Variants in NTRK2 observed in about 807,000 individuals in gnomAD.
The protein encoded by NTRK2 is BDNF/NT-3 growth factors receptor.
In NTRK2, 13 loss-of-function variants were observed where a neutral mutation model predicts 94.5. The ratio of observed to expected loss-of-function variants is 0.14; its 90% CI spans 0.09 to 0.22. NTRK2 has a LOEUF of 0.22. Ranked by LOEUF, NTRK2 falls within the 10% of genes least tolerant of loss-of-function variation. The probability of loss-of-function intolerance (pLI) is 1.00; values close to 1 mark genes in which losing one functional copy is unlikely to be tolerated. For missense variants in NTRK2, 639 were observed against 1,071.2 expected (o/e 0.60, Z 5.63); for synonymous variants, 372 against 407.4 (o/e 0.91, Z 1.05).
At chr9:84,970,316 A>C (rs914245146) in intron 17 of NTRK2, among the ~76,000 whole-genome samples, 3 of 152,142 alleles carry the variant, frequency 2.0e-5, no homozygotes, top group Non-Finnish European at 4.4e-5. Context: ...AGGAGGTTGC[A>C]GTGAACTGAG....
intron 2 of NTRK2, among the ~76,000 whole-genome samples, chr9:84,697,373 A>T (rs1256569016): frequency 1.3e-5 from 2 of 152,086 alleles, no homozygotes; most frequent in Non-Finnish European, 2.9e-5. Context: ...GAGGAGTTTG[A>T]GGTTGTCATG....
chr9:84,713,376 A>T (rs1287162482), intron 6 of NTRK2, among the ~76,000 whole-genome samples: 1 of 152,196 alleles, frequency 6.6e-6, no homozygotes, highest in Non-Finnish European at 1.5e-5. Context: ...CTGCATAGAG[A>T]TAACCACCAA....
intron 17 of NTRK2, among the ~76,000 whole-genome samples, chr9:84,998,863 G>A (rs1158694346): frequency 6.6e-6 from 1 of 152,242 alleles, no homozygotes; most frequent in Non-Finnish European, 1.5e-5. Context: ...AGGCTCAGAT[G>A]ATGTCATTCT....
chr9:84,770,235 C>A (rs920215216), intron 12 of NTRK2, among the ~76,000 whole-genome samples: 1 of 151,926 alleles, frequency 6.6e-6, no homozygotes, highest in Admixed American at 6.6e-5. Flanking sequence ...GTGCCTTCCA[C>A]TCCCTTCCCT....
At chr9:84,724,145 T>C in intron 7 of NTRK2, 79 bp from the exon 8 acceptor site, 1 of 1,486,352 alleles carries the variant, frequency 6.7e-7, no homozygotes, top group East Asian at 2.3e-5. Context: ...TTTCTCTAGT[T>C]AGGGGAAGAA....
At chr9:84,820,172 T>TC (rs1029939812) in intron 12 of NTRK2, among the ~76,000 whole-genome samples, 6 of 145,398 alleles carry the variant, frequency 4.1e-5, no homozygotes, top group South Asian at 2.1e-4. Flanking sequence ...TTTCTTTCTT[T>TC]TTTTTTTTTT....
chr9:84,680,539 T>G (rs1187687751), intron 2 of NTRK2, among the ~76,000 whole-genome samples: 2 of 152,240 alleles, frequency 1.3e-5, no homozygotes, highest in Non-Finnish European at 2.9e-5. Context: ...CTTTTTTCTA[T>G]CAGCAATTTT....
chr9:84,999,912 A>G (rs2133394039), intron 17 of NTRK2, among the ~76,000 whole-genome samples: 1 of 152,244 alleles, frequency 6.6e-6, no homozygotes, highest in South Asian at 2.1e-4. Context: ...TTTCTACAGA[A>G]CAGCCTCCCC....
At chr9:84,820,169 C>CTTT (rs902886137) in intron 12 of NTRK2, among the ~76,000 whole-genome samples, 4 of 132,540 alleles carry the variant, frequency 3.0e-5, no homozygotes, top group Non-Finnish European at 4.8e-5. Flanking sequence ...TTCTTTCTTT[C>CTTT]TTTTTTTTTT....
At chr9:84,798,640 A>G (rs1428843228) in intron 12 of NTRK2, among the ~76,000 whole-genome samples, 1 of 152,160 alleles carries the variant, frequency 6.6e-6, no homozygotes, top group Non-Finnish European at 1.5e-5. Context: ...TTTCTTCACA[A>G]AAGTTCCCGG....
intron 16 of NTRK2, among the ~76,000 whole-genome samples, 165 bp from the exon 17 acceptor site, chr9:84,955,118 A>T (rs1823947860): frequency 6.6e-6 from 1 of 151,950 alleles, no homozygotes; most frequent in Admixed American, 6.5e-5. Context: ...CTGTGTGAGC[A>T]CCTTTGTCTC....
At chr9:84,745,316 GT>G (rs2063974408) in intron 11 of NTRK2, among the ~76,000 whole-genome samples, 1 of 152,092 alleles carries the variant, frequency 6.6e-6, no homozygotes, top group Non-Finnish European at 1.5e-5. Context: ...TCAATTATCT[GT>G]GCTTTAGAAG....
chr9:84,839,717 T>G (rs1210388255), intron 12 of NTRK2, among the ~76,000 whole-genome samples: 26 of 152,232 alleles, frequency 1.7e-4, no homozygotes, highest in Admixed American at 1.7e-3. Flanking sequence ...GGCCCCAGCG[T>G]GCCTGTGGGT....
intron 12 of NTRK2, chr9:84,810,791 ACTCT>A: frequency 7.1e-7 from 1 of 1,401,560 alleles, no homozygotes; most frequent in Non-Finnish European, 9.3e-7. Flanking sequence ...TGCAGAGGTA[ACTCT>A]CAGGCAGCTA....
At chr9:84,738,156 G>A (rs955654154) in intron 9 of NTRK2, among the ~76,000 whole-genome samples, 5 of 151,342 alleles carry the variant, frequency 3.3e-5, no homozygotes, top group African/African-American at 9.8e-5. Flanking sequence ...AAGGCTTGAC[G>A]CTACTTCTTG....
intron 14 of NTRK2, 97 bp from the exon 15 acceptor site, chr9:84,934,065 G>T (rs2132714927): frequency 7.5e-7 from 1 of 1,333,254 alleles, no homozygotes; most frequent in Non-Finnish European, 1.1e-6. Flanking sequence ...AGAGACTCTT[G>T]GGCCTGGAAG....
At chr9:84,991,694 C>T (rs1299620780) in intron 17 of NTRK2, among the ~76,000 whole-genome samples, 11 of 152,110 alleles carry the variant, frequency 7.2e-5, no homozygotes, top group Admixed American at 5.9e-4. Flanking sequence ...CTGGTGATTT[C>T]GGAAGAAGGG....
At chr9:84,819,190 G>A (rs1042535193) in intron 12 of NTRK2, among the ~76,000 whole-genome samples, 5 of 152,130 alleles carry the variant, frequency 3.3e-5, no homozygotes, top group African/African-American at 9.7e-5. Context: ...TATTAACCAC[G>A]CTTCCATCTC....
intron 5 of NTRK2, among the ~76,000 whole-genome samples, chr9:84,709,469 T>C (rs1261580589): frequency 6.6e-6 from 1 of 152,120 alleles, no homozygotes; most frequent in Admixed American, 6.5e-5. Flanking sequence ...TCAAATCCCA[T>C]TTTGGTGTTG....
Sources: gnomAD v4.1 joint callset for allele counts (sites outside exome capture counted in the v4.1 genomes callset) on GRCh38, gnomAD v4.1.1 for gene constraint, MANE v1.5 for transcripts, NCBI Gene and HGNC (gene_info 2026-07-23, HGNC 2026-07-21) for gene names.